TCAF1: variants seen among roughly 807,000 people sequenced by gnomAD.
The protein encoded by TCAF1 is TRPM8 channel associated factor 1, also known as TRPM8 channel-associated factor 1.
In TCAF1, 4 loss-of-function variants were observed where a neutral mutation model predicts 27.3. That is an observed-to-expected ratio of 0.15 (90% CI 0.07 to 0.34). TCAF1 has a LOEUF of 0.34. Among genes scored for constraint, TCAF1 ranks in the 10% least tolerant of loss-of-function variants. TCAF1 has a pLI of 1.00. For missense variants in TCAF1, 257 were observed against 425.8 expected (o/e 0.60, Z 3.49); for synonymous variants, 105 against 167.1 (o/e 0.63, Z 2.87).
intron 1 of TCAF1, among the ~76,000 whole-genome samples, chr7:143,878,737 T>C (rs1209431233): frequency 6.6e-6 from 1 of 152,166 alleles, no homozygotes. Flanking sequence ...ATAATCAGGA[T>C]AGCAAAGTGC....
chr7:143,880,378 T>G (rs1432065423), intron 1 of TCAF1, among the ~76,000 whole-genome samples: 2 of 152,190 alleles, frequency 1.3e-5, no homozygotes, highest in Admixed American at 6.5e-5. Context: ...GAGTCCATAC[T>G]CTTAAGCACC....
At chr7:143,874,590 T>C (rs954561768) in intron 2 of TCAF1, among the ~76,000 whole-genome samples, 30 of 148,232 alleles carry the variant, frequency 2.0e-4, no homozygotes, top group Non-Finnish European at 3.0e-4. Flanking sequence ...TTTGTGAACA[T>C]ACAGAGATCA....
chr7:143,892,785 GTATCTT>G (rs1813704228), intron 1 of TCAF1, among the ~76,000 whole-genome samples: 1 of 152,136 alleles, frequency 6.6e-6, no homozygotes, highest in African/African-American at 2.4e-5. Context: ...AATGGGATTA[GTATCTT>G]TATAAGACGA....
intron 1 of TCAF1, among the ~76,000 whole-genome samples, chr7:143,892,528 ATTTT>A (rs556518073): frequency 1.5e-5 from 2 of 137,866 alleles, no homozygotes; most frequent in Non-Finnish European, 1.6e-5. Context: ...CTTTAACCCA[ATTTT>A]TTTTTTTTTT....
rs1813951195 is a variant in TCAF1 at position 143,897,677 on chromosome 7, AAATAC to A, written c.-15+4279_-15+4283del. ...ATGTGAAATTGTTAAATATCTTGGAAAATACAATTTACTACAACTGACTCCATAGG... is the reference window on the plus strand; with the variant it reads ...ATGTGAAATTGTTAAATATCTTGGAAAATTTACTACAACTGACTCCATAGG... On this transcript the variant is annotated intron_variant, in intron 1 of 8. Transcript: ENST00000479870. Among the ~76,000 whole-genome samples the A allele has an allele frequency of 2.6e-5, 4 of 152,228 alleles. No individual in the cohort carries two copies. The South Asian group carries it at 8.3e-4, about 32-fold the overall frequency.
At chr7:143,881,187 G>A (rs766117382) in intron 1 of TCAF1, among the ~76,000 whole-genome samples, 2 of 152,216 alleles carry the variant, frequency 1.3e-5, no homozygotes, top group African/African-American at 2.4e-5. Flanking sequence ...GTATGGTAGT[G>A]TGATTTCAAA....
At chr7:143,880,253 G>A (rs539756462) in intron 1 of TCAF1, among the ~76,000 whole-genome samples, 2 of 152,210 alleles carry the variant, frequency 1.3e-5, no homozygotes, top group South Asian at 2.1e-4. Context: ...TTTTATGGAT[G>A]GGCAAAACAA....
At chr7:143,883,891 G>A (rs1395302716) in intron 1 of TCAF1, among the ~76,000 whole-genome samples, 1 of 152,148 alleles carries the variant, frequency 6.6e-6, no homozygotes, top group East Asian at 1.9e-4. Flanking sequence ...CACAGGTGCT[G>A]GCTCCAGCAT....
chr7:143,891,299 A>G (rs549554442), intron 1 of TCAF1, among the ~76,000 whole-genome samples: 1 of 152,256 alleles, frequency 6.6e-6, no homozygotes, highest in Non-Finnish European at 1.5e-5. Flanking sequence ...CAATAACTCA[A>G]GAGAAATAAC....
At chr7:143,892,717 A>G (rs1167039654) in intron 1 of TCAF1, among the ~76,000 whole-genome samples, 1 of 152,082 alleles carries the variant, frequency 6.6e-6, no homozygotes, top group Non-Finnish European at 1.5e-5. Flanking sequence ...TGGTATTAGG[A>G]AGTGGGCCTT....
intron 1 of TCAF1, chr7:143,885,414 G>A: frequency 1.0e-6 from 1 of 985,476 alleles, no homozygotes; most frequent in Non-Finnish European, 1.2e-6. Flanking sequence ...GCCGCGGGTG[G>A]AGGCGGAGCT....
At chr7:143,877,984 G>C (rs1812809247) in intron 1 of TCAF1, among the ~76,000 whole-genome samples, 2 of 152,234 alleles carry the variant, frequency 1.3e-5, no homozygotes, top group Middle Eastern at 3.4e-3. Context: ...TATAAACTTG[G>C]GCTCTGGAGT....
chr7:143,886,531 T>C (rs1813409964), intron 1 of TCAF1: 1 of 985,084 alleles, frequency 1.0e-6, no homozygotes, highest in East Asian at 1.1e-4. Context: ...CTCTGTAATG[T>C]CCACTGGATG....
At chr7:143,896,645 A>G (rs1813880993) in intron 1 of TCAF1, among the ~76,000 whole-genome samples, 1 of 152,078 alleles carries the variant, frequency 6.6e-6, no homozygotes, top group South Asian at 2.1e-4. Context: ...ACAAGATAAC[A>G]AAAGAAACTT....
At chr7:143,879,184 G>A (rs779143802) in intron 1 of TCAF1, among the ~76,000 whole-genome samples, 3 of 151,986 alleles carry the variant, frequency 2.0e-5, no homozygotes, top group East Asian at 1.9e-4. Flanking sequence ...TTCTATCTAC[G>A]GAAATCCTGT....
chr7:143,889,178 T>C (rs1196283924), intron 1 of TCAF1, among the ~76,000 whole-genome samples: 1 of 152,038 alleles, frequency 6.6e-6, no homozygotes, highest in Non-Finnish European at 1.5e-5. Flanking sequence ...ATAGAGCATA[T>C]AGTGAGAAGA....
chr7:143,884,332 T>C (rs1333873936), intron 1 of TCAF1, among the ~76,000 whole-genome samples: 2 of 152,076 alleles, frequency 1.3e-5, no homozygotes, highest in Non-Finnish European at 2.9e-5. Flanking sequence ...GCCATGTAGA[T>C]AGGTGAGCTC....
intron 1 of TCAF1, among the ~76,000 whole-genome samples, chr7:143,887,740 A>G (rs1813477156): frequency 6.6e-6 from 1 of 152,198 alleles, no homozygotes; most frequent in Non-Finnish European, 1.5e-5. Flanking sequence ...AAATTGTGGC[A>G]TATTCACAAT....
Position 143,876,210 on chromosome 7 carries a change from G to C in TCAF1, c.399C>G (p.Thr133=), listed in dbSNP as rs746683154. The C allele has an allele frequency of 2.0e-5, 33 of 1,614,078 alleles. No homozygotes were observed. The highest frequency in any genetic ancestry group is 2.8e-5 in the Non-Finnish European group (33 of 1,180,040). The change falls in exon 2 of 9, where the codon ACC becomes ACG. Residue 133 remains threonine, a synonymous_variant. Transcript: ENST00000479870. The part of the protein sequence containing the change: ...GVYCIDAYNE[T]MTEKLVKFMK... ...TGAACTTGACCAGCTTTTCTGTCATGGTTTCATTGTAGGCATCAATACAGT... is the reference window on the plus strand; with the variant it reads ...TGAACTTGACCAGCTTTTCTGTCATCGTTTCATTGTAGGCATCAATACAGT...
Sources: allele counts gnomAD v4.1 joint callset (sites outside exome capture counted in the v4.1 genomes callset), GRCh38; gene constraint gnomAD v4.1.1; transcripts MANE v1.5; gene names NCBI Gene and HGNC (gene_info 2026-07-23, HGNC 2026-07-21).